GASK1B: variants seen among roughly 807,000 people sequenced by gnomAD.
GASK1B encodes the protein golgi associated kinase 1B.
Under a neutral mutation model 42.8 loss-of-function variants are expected in GASK1B, and 34 were observed. The ratio of observed to expected loss-of-function variants is 0.79; its 90% CI spans 0.60 to 1.06. The LOEUF (loss-of-function observed/expected upper bound fraction) is 1.06, where lower values mean the gene tolerates loss of function less well. GASK1B is among the 50% of genes least tolerant of loss of function. The probability of loss-of-function intolerance (pLI) is 0.00; values close to 1 mark genes in which losing one functional copy is unlikely to be tolerated. For synonymous variants in GASK1B, 262 were observed against 259.1 expected, an observed-to-expected ratio of 1.01 and a Z score of -0.11; for missense variants, 686 against 661.0, an observed-to-expected ratio of 1.04 and a Z score of -0.42.
At chr4:158,170,319 GCGCATGGAAAGACA>G (rs1346292652) in intron 2 of GASK1B, 133 bp downstream of exon 2, 1 of 1,614,242 alleles carries the variant, frequency 6.2e-7, no homozygotes, top group Non-Finnish European at 8.5e-7. Flanking sequence ...AGAATGCCAA[GCGCATGGAAAGACA>G]CGCTGCTGCT....
intron 3 of GASK1B, among the ~76,000 whole-genome samples, chr4:158,141,828 C>G (rs71620383): frequency 0.017 from 2,495 of 150,122 alleles, 33 homozygotes; most frequent in South Asian, 0.051. Flanking sequence ...AGGATGGTTT[C>G]GATGTCCTGA....
intron 3 of GASK1B, among the ~76,000 whole-genome samples, chr4:158,142,179 C>T (rs1259883429): frequency 6.6e-6 from 1 of 150,616 alleles, no homozygotes; most frequent in Non-Finnish European, 1.5e-5. Context: ...CTCCTGACCT[C>T]ATGATCCACC....
At chr4:158,139,455 C>A (rs553909112) in intron 3 of GASK1B, among the ~76,000 whole-genome samples, 1 of 152,246 alleles carries the variant, frequency 6.6e-6, no homozygotes, top group South Asian at 2.1e-4. Context: ...ATCACAGAAT[C>A]TTAGAATCAC....
chr4:158,167,761 TG>T (rs1732283551), intron 2 of GASK1B, among the ~76,000 whole-genome samples: 1 of 152,106 alleles, frequency 6.6e-6, no homozygotes, highest in Admixed American at 6.5e-5. Flanking sequence ...TAGAGCAAGC[TG>T]AAAAAGATGC....
At position 158,147,793 on chromosome 4, in the gene GASK1B, G is replaced by C. The variant is rs569828549; in HGVS notation, c.1125+7818C>G. ...GAAAAATTATTTAAGACATAGGATT[G>C]ACAAACGTTAATTTTCTTGATATAC... On this transcript the variant is annotated intron_variant, in intron 3 of 4. Transcript: ENST00000585682. 2.0e-5 allele frequency among the ~76,000 whole-genome samples: 3 copies of C among 152,102 alleles called. No homozygotes were observed. In the South Asian group the frequency reaches 6.2e-4, roughly 32 times the overall value.
intron 1 of GASK1B, chr4:158,172,630 TTTCA>T (rs1403175524): frequency 6.6e-6 from 1 of 152,178 alleles, no homozygotes; most frequent in East Asian, 1.9e-4. Flanking sequence ...GAGAATCAGT[TTTCA>T]TTCAAATAAA....
chr4:158,161,929 G>C (rs1038117226), intron 2 of GASK1B, among the ~76,000 whole-genome samples: 3 of 151,950 alleles, frequency 2.0e-5, no homozygotes, highest in African/African-American at 7.3e-5. Flanking sequence ...TAAAGTCCAG[G>C]CTCCTTGCAG....
chr4:158,170,083 G>C, intron 2 of GASK1B: 1 of 697,812 alleles, frequency 1.4e-6, no homozygotes, highest in South Asian at 2.0e-5. Flanking sequence ...TCCTCCCATA[G>C]TAACCTATTT....
At chr4:158,169,037 TTAGCCACCTAC>T (rs1732345407) in intron 2 of GASK1B, 1 of 152,286 alleles carries the variant, frequency 6.6e-6, no homozygotes, top group Non-Finnish European at 1.5e-5. Flanking sequence ...AAAACCCAGC[TTAGCCACCTAC>T]TAGCTGTGGG....
At chr4:158,157,424 C>T (rs565524123) in intron 2 of GASK1B, among the ~76,000 whole-genome samples, 2 of 152,112 alleles carry the variant, frequency 1.3e-5, no homozygotes, top group African/African-American at 4.8e-5. Flanking sequence ...ATGTGTATAT[C>T]CCAAGTACCA....
At chr4:158,154,120 A>G (rs1731665723) in intron 3 of GASK1B, among the ~76,000 whole-genome samples, 1 of 151,972 alleles carries the variant, frequency 6.6e-6, no homozygotes. Flanking sequence ...TGCATGACAA[A>G]GGACTAATAT....
intron 3 of GASK1B, among the ~76,000 whole-genome samples, chr4:158,135,443 G>A (rs895835016): frequency 2.6e-5 from 4 of 151,258 alleles, no homozygotes; most frequent in Non-Finnish European, 5.9e-5. Flanking sequence ...TATGTGCCAG[G>A]AACTGTATAC....
chr4:158,151,489 G>A (rs1372783655), intron 3 of GASK1B, among the ~76,000 whole-genome samples: 3 of 152,280 alleles, frequency 2.0e-5, no homozygotes, highest in African/African-American at 7.2e-5. Flanking sequence ...CCCAAATGGG[G>A]TAAGACTATT....
rs1481985306 is a variant in GASK1B at position 158,171,422 on chromosome 4, G to A, written c.-47C>T. The A allele has an allele frequency of 2.6e-6, 4 of 1,509,910 alleles. No homozygotes were observed. The Admixed American group carries it at 8.7e-5, about 33-fold the overall frequency. The allele number at this position is 1,509,910 out of a possible 1,614,324, so 93.5% of individuals were successfully genotyped here. ...TGAACGGAGTTTAAAGTCTGCAGTTGGCTCCTGCTAATGTGATGCATGGTT... is the reference window on the plus strand; with the variant it reads ...TGAACGGAGTTTAAAGTCTGCAGTTAGCTCCTGCTAATGTGATGCATGGTT... On this transcript the variant is annotated 5_prime_UTR_variant, in exon 2 of 5. The change creates a premature stop within an existing upstream ORF in the 5' untranslated region. Transcript: ENST00000585682.
At chr4:158,156,212 G>T (rs528667063) in intron 2 of GASK1B, among the ~76,000 whole-genome samples, 4 of 152,284 alleles carry the variant, frequency 2.6e-5, no homozygotes, top group African/African-American at 9.6e-5. Flanking sequence ...ATGTCTGAGT[G>T]GAGCTGCTCT....
chr4:158,129,519 T>G (rs1410760508), intron 4 of GASK1B, among the ~76,000 whole-genome samples: 2 of 152,162 alleles, frequency 1.3e-5, no homozygotes, highest in African/African-American at 4.8e-5. Context: ...CTCTTAATGC[T>G]AAAGTACATA....
At chr4:158,134,519 G>C (rs1395717218) in intron 3 of GASK1B, among the ~76,000 whole-genome samples, 1 of 152,092 alleles carries the variant, frequency 6.6e-6, no homozygotes, top group Non-Finnish European at 1.5e-5. Context: ...TTTAAAACAG[G>C]AATGTCTTTT....
chr4:158,158,866 T>A (rs1731859855), intron 2 of GASK1B, among the ~76,000 whole-genome samples: 1 of 152,102 alleles, frequency 6.6e-6, no homozygotes, highest in Non-Finnish European at 1.5e-5. Context: ...CATTTAAAAT[T>A]ATAGAGACTA....
intron 3 of GASK1B, among the ~76,000 whole-genome samples, chr4:158,141,738 C>G: frequency 6.7e-6 from 1 of 148,830 alleles, no homozygotes; most frequent in South Asian, 2.1e-4. Flanking sequence ...TCCCGAGTAG[C>G]TGGGACTGCA....
Sources: gnomAD v4.1 joint callset for allele counts (sites outside exome capture counted in the v4.1 genomes callset) on GRCh38, gnomAD v4.1.1 for gene constraint, MANE v1.5 for transcripts, NCBI Gene and HGNC (gene_info 2026-07-23, HGNC 2026-07-21) for gene names.